Variants in ABCG2 observed in about 807,000 individuals in gnomAD.
ABCG2 encodes ATP binding cassette subfamily G member 2 (JR blood group), also known as broad substrate specificity ATP-binding cassette transporter ABCG2.
A neutral mutation model predicts 73.5 loss-of-function variants in ABCG2; 80 were observed. The ratio of observed to expected loss-of-function variants is 1.09; its 90% CI spans 0.91 to 1.31. The LOEUF (loss-of-function observed/expected upper bound fraction) is 1.31. Ranked by LOEUF, ABCG2 falls within the 50% of genes most tolerant of loss-of-function variation. ABCG2 has a pLI of 0.00. For missense variants in ABCG2, 796 were observed against 786.2 expected (o/e 1.01, Z -0.15); for synonymous variants, 269 against 282.4 (o/e 0.95, Z 0.48).
intron 1 of ABCG2, among the ~76,000 whole-genome samples, chr4:88,224,169 A>T (rs1026285142): frequency 7.9e-5 from 12 of 152,116 alleles, no homozygotes; most frequent in Non-Finnish European, 1.8e-4. Flanking sequence ...AAGTGTCTAG[A>T]CTGGGCACAG....
chr4:88,110,822 A>AT (rs1367655170), intron 9 of ABCG2, among the ~76,000 whole-genome samples: 3 of 139,036 alleles, frequency 2.2e-5, no homozygotes, highest in Non-Finnish European at 3.3e-5. Context: ...ACAAAAAAAA[A>AT]AAATATATAT....
chr4:88,218,746 T>C (rs1181275793), intron 1 of ABCG2, among the ~76,000 whole-genome samples: 2 of 152,232 alleles, frequency 1.3e-5, no homozygotes, highest in African/African-American at 4.8e-5. Flanking sequence ...CCAATCCCAA[T>C]AAACATTTCT....
chr4:88,138,831 T>C (rs1166815025), intron 2 of ABCG2, among the ~76,000 whole-genome samples: 2 of 152,102 alleles, frequency 1.3e-5, no homozygotes, highest in East Asian at 1.9e-4. Flanking sequence ...CATCTATTGC[T>C]GAAATGCATG....
chr4:88,151,920 C>CCT (rs1025860861), intron 1 of ABCG2, among the ~76,000 whole-genome samples: 14 of 152,068 alleles, frequency 9.2e-5, no homozygotes, highest in Non-Finnish European at 1.8e-4. Context: ...TGCAAGGGAT[C>CCT]CTCTCTCTAA....
At chr4:88,155,316 G>T (rs1171077491) in intron 1 of ABCG2, among the ~76,000 whole-genome samples, 2 of 152,186 alleles carry the variant, frequency 1.3e-5, no homozygotes, top group African/African-American at 4.8e-5. Context: ...GAGAGCACGT[G>T]TGTTTTTATG....
chr4:88,166,281 G>A (rs1472361324), intron 1 of ABCG2, among the ~76,000 whole-genome samples: 2 of 152,150 alleles, frequency 1.3e-5, no homozygotes, highest in Non-Finnish European at 1.5e-5. Flanking sequence ...ATGACGAATT[G>A]CATAACCGAA....
At chr4:88,206,072 C>G (rs1729366313) in intron 1 of ABCG2, among the ~76,000 whole-genome samples, 1 of 152,214 alleles carries the variant, frequency 6.6e-6, no homozygotes, top group South Asian at 2.1e-4. Context: ...GTCCTGTACC[C>G]TGTCTCCAGT....
At chr4:88,170,796 C>G (rs1477505539) in intron 1 of ABCG2, among the ~76,000 whole-genome samples, 1 of 152,256 alleles carries the variant, frequency 6.6e-6, no homozygotes, top group African/African-American at 2.4e-5. Flanking sequence ...GCTCCTCTTT[C>G]AGTTATAAAC....
chr4:88,188,778 C>CTGGCAGCA lies in ABCG2; in HGVS notation c.-20+42215_-20+42216insTGCTGCCA, dbSNP rs1452329346. On this transcript the variant is annotated intron_variant, in intron 1 of 15. Coordinates refer to the ABCG2 transcript ENST00000515655. Reference sequence around the variant, plus strand: ...CCTGTAATCCCAGCACTTTGGAAGGCCAAGGCAGGCAGATTACTTGAGCTC... The same window carrying CTGGCAGCA: ...CCTGTAATCCCAGCACTTTGGAAGGCTGGCAGCACAAGGCAGGCAGATTACTTGAGCTC... Among the ~76,000 whole-genome samples, 36 of 152,194 alleles carry CTGGCAGCA rather than the reference C, an allele frequency of 2.4e-4. No individual in the cohort carries two copies. In the East Asian group the frequency reaches 6.8e-3, roughly 29 times the overall value.
chr4:88,095,050 T>C (rs1721898110), intron 14 of ABCG2, among the ~76,000 whole-genome samples: 1 of 152,228 alleles, frequency 6.6e-6, no homozygotes, highest in South Asian at 2.1e-4. Context: ...TTAGAACCAG[T>C]TGTAATTCTT....
chr4:88,101,819 C>T (rs1722443416), intron 10 of ABCG2, among the ~76,000 whole-genome samples: 1 of 152,220 alleles, frequency 6.6e-6, no homozygotes, highest in Non-Finnish European at 1.5e-5. Context: ...TGATCTCAGA[C>T]TTTCAGACTA....
At chr4:88,101,854 T>C (rs1190112668) in intron 10 of ABCG2, among the ~76,000 whole-genome samples, 2 of 152,212 alleles carry the variant, frequency 1.3e-5, no homozygotes, top group African/African-American at 2.4e-5. Flanking sequence ...TACATTTCTG[T>C]TGTTTAAGCC....
At chr4:88,188,397 T>A (rs916617011) in intron 1 of ABCG2, among the ~76,000 whole-genome samples, 2 of 152,046 alleles carry the variant, frequency 1.3e-5, no homozygotes, top group Admixed American at 6.6e-5. Flanking sequence ...TTTTTTTTTT[T>A]AATTTAATAG....
intron 1 of ABCG2, among the ~76,000 whole-genome samples, chr4:88,174,085 T>A (rs953944537): frequency 2.0e-5 from 3 of 152,138 alleles, no homozygotes; most frequent in Non-Finnish European, 4.4e-5. Context: ...TAGACAGGGT[T>A]TTTGAAGAAG....
chr4:88,127,471 C>T (rs964284870), intron 5 of ABCG2, among the ~76,000 whole-genome samples: 7 of 152,098 alleles, frequency 4.6e-5, no homozygotes, highest in Non-Finnish European at 1.0e-4. Context: ...CCAAGACAAT[C>T]CTATGCAAAA....
At chr4:88,123,774 T>C (rs868455985) in intron 5 of ABCG2, among the ~76,000 whole-genome samples, 22 of 152,092 alleles carry the variant, frequency 1.4e-4, no homozygotes, top group African/African-American at 4.3e-4. Flanking sequence ...TTCCCCAACC[T>C]AGCAAGACAG....
intron 1 of ABCG2, among the ~76,000 whole-genome samples, chr4:88,179,651 T>C (rs2110098981): frequency 6.6e-6 from 1 of 152,244 alleles, no homozygotes; most frequent in African/African-American, 2.4e-5. Flanking sequence ...GGAAATTCAA[T>C]GAAATTCAAG....
chr4:88,217,406 A>G (rs1729853229), intron 1 of ABCG2, among the ~76,000 whole-genome samples: 1 of 152,134 alleles, frequency 6.6e-6, no homozygotes, highest in Non-Finnish European at 1.5e-5. Context: ...CATGTCTATA[A>G]TCTCAGCACT....
At chr4:88,223,498 TGCTGCCA>T (rs1194853605) in intron 1 of ABCG2, among the ~76,000 whole-genome samples, 1 of 152,186 alleles carries the variant, frequency 6.6e-6, no homozygotes. Context: ...CACTTCTTGC[TGCTGCCA>T]TGTGAAGAAG....
Sources: allele counts gnomAD v4.1 joint callset (sites outside exome capture counted in the v4.1 genomes callset), GRCh38; gene constraint gnomAD v4.1.1; transcripts MANE v1.5; gene names NCBI Gene and HGNC (gene_info 2026-07-23, HGNC 2026-07-21).